Variants in FGD4 observed in about 807,000 individuals in gnomAD.
FGD4 encodes the protein FYVE, RhoGEF and PH domain containing 4, also known as FYVE, RhoGEF and PH domain-containing protein 4.
FGD4 carries 42 observed loss-of-function variants against 102.0 expected under a neutral mutation model. The observed-to-expected ratio is 0.41, with a 90% confidence interval of 0.32 to 0.53. The LOEUF (loss-of-function observed/expected upper bound fraction) is 0.53. Among genes scored for constraint, FGD4 ranks in the 20% least tolerant of loss-of-function variants. FGD4 has a pLI of 0.21. For missense variants in FGD4, 902 were observed against 1,078.2 expected, an observed-to-expected ratio of 0.84 and a Z score of 2.29; for synonymous variants, 380 against 375.7, an observed-to-expected ratio of 1.01 and a Z score of -0.13.
chr12:32,426,869 T>G (rs911425014), intron 1 of FGD4, among the ~76,000 whole-genome samples: 40 of 152,334 alleles, frequency 2.6e-4, no homozygotes, highest in African/African-American at 9.4e-4. Context: ...TTTATAGTAT[T>G]CTCTGATGGT....
chr12:32,580,812 G>A (rs937543739), intron 3 of FGD4, among the ~76,000 whole-genome samples: 19 of 151,780 alleles, frequency 1.3e-4, no homozygotes, highest in African/African-American at 3.6e-4. Flanking sequence ...GTGTGAACCC[G>A]GGAGGCGTAG....
At chr12:32,485,777 C>A in intron 1 of FGD4, 1 of 910,332 alleles carries the variant, frequency 1.1e-6, no homozygotes, top group Non-Finnish European at 1.3e-6. Flanking sequence ...TTGTTATAAG[C>A]CTAAATGCCA....
chr12:32,406,661 A>G (rs1471919288), intron 1 of FGD4, among the ~76,000 whole-genome samples: 1 of 152,164 alleles, frequency 6.6e-6, no homozygotes, highest in East Asian at 1.9e-4. Context: ...AGTATATTAG[A>G]TAATTCTGAT....
intron 1 of FGD4, among the ~76,000 whole-genome samples, chr12:32,469,601 C>T (rs772812179): frequency 2.0e-5 from 3 of 150,416 alleles, no homozygotes; most frequent in Non-Finnish European, 4.4e-5. Context: ...TTTTTAAAGA[C>T]AACATAGTAT....
At chr12:32,419,278 T>C (rs932883018) in intron 1 of FGD4, among the ~76,000 whole-genome samples, 3 of 152,182 alleles carry the variant, frequency 2.0e-5, no homozygotes, top group African/African-American at 7.2e-5. Context: ...ACTGTAGCCC[T>C]CACAGCTGGG....
intron 14 of FGD4, among the ~76,000 whole-genome samples, chr12:32,629,710 CT>C (rs1224915653): frequency 3.9e-5 from 6 of 152,074 alleles, no homozygotes; most frequent in Non-Finnish European, 8.8e-5. Context: ...AGCAAATCTG[CT>C]GTTTTGTTCA....
chr12:32,532,494 A>T (rs1941897249), intron 1 of FGD4, among the ~76,000 whole-genome samples: 1 of 152,084 alleles, frequency 6.6e-6, no homozygotes, highest in African/African-American at 2.4e-5. Context: ...ATAAATTATT[A>T]CCCTGCAATA....
At chr12:32,547,932 C>A (rs1392031152) in intron 1 of FGD4, among the ~76,000 whole-genome samples, 1 of 152,174 alleles carries the variant, frequency 6.6e-6, no homozygotes, top group Non-Finnish European at 1.5e-5. Context: ...TCTCAAACTG[C>A]TGACCTCAAG....
At chr12:32,630,701 A>C (rs893990104) in intron 14 of FGD4, among the ~76,000 whole-genome samples, 2 of 152,008 alleles carry the variant, frequency 1.3e-5, no homozygotes, top group Non-Finnish European at 2.9e-5. Flanking sequence ...TTGTAATCCC[A>C]GATACTCGGG....
intron 10 of FGD4, among the ~76,000 whole-genome samples, chr12:32,615,990 G>A (rs1321003540): frequency 1.3e-5 from 2 of 152,080 alleles, no homozygotes; most frequent in African/African-American, 4.8e-5. Flanking sequence ...CCTGGGAGGG[G>A]CAGTCCTGTC....
At chr12:32,553,041 G>A (rs928356040) in intron 1 of FGD4, among the ~76,000 whole-genome samples, 1 of 144,562 alleles carries the variant, frequency 6.9e-6, no homozygotes, top group South Asian at 2.2e-4. Flanking sequence ...TGATCCACCC[G>A]CCTCGGCCTC....
At chr12:32,607,697 T>C (rs1331663162) in intron 7 of FGD4, among the ~76,000 whole-genome samples, 2 of 152,206 alleles carry the variant, frequency 1.3e-5, no homozygotes, top group Non-Finnish European at 2.9e-5. Context: ...GTATTTTTAG[T>C]AGAGGCGGGG....
intron 1 of FGD4, among the ~76,000 whole-genome samples, chr12:32,415,307 A>G (rs1304539889): frequency 1.3e-5 from 2 of 152,000 alleles, no homozygotes; most frequent in African/African-American, 4.8e-5. Context: ...TCTATTCTGC[A>G]GATTAAGTCT....
At chr12:32,513,286 A>G (rs1183662327) in intron 1 of FGD4, among the ~76,000 whole-genome samples, 4 of 152,204 alleles carry the variant, frequency 2.6e-5, no homozygotes, top group African/African-American at 4.8e-5. Flanking sequence ...TAAAATAATC[A>G]TAGTTGTTTA....
intron 1 of FGD4, among the ~76,000 whole-genome samples, chr12:32,537,784 T>C (rs1942425505): frequency 6.6e-6 from 1 of 152,234 alleles, no homozygotes; most frequent in African/African-American, 2.4e-5. Context: ...TAGCAGAGTA[T>C]TAGTGAGACC....
chr12:32,636,981 AT>A (rs1950867729), intron 15 of FGD4, among the ~76,000 whole-genome samples: 1 of 146,410 alleles, frequency 6.8e-6, no homozygotes, highest in African/African-American at 2.5e-5. Context: ...AGCAATTCTT[AT>A]GTCTCAGCCT....
chr12:32,585,614 C>T (rs948527222), intron 4 of FGD4, among the ~76,000 whole-genome samples: 2 of 151,766 alleles, frequency 1.3e-5, no homozygotes, highest in African/African-American at 2.4e-5. Context: ...GGCAGAGGAT[C>T]TCTCGAGTCC....
chr12:32,484,782 G>C (rs1028324292), intron 1 of FGD4, among the ~76,000 whole-genome samples: 1 of 152,090 alleles, frequency 6.6e-6, no homozygotes, highest in Non-Finnish European at 1.5e-5. Flanking sequence ...TGAGGCAGGA[G>C]AATAGCTTGA....
intron 1 of FGD4, among the ~76,000 whole-genome samples, chr12:32,554,351 A>G (rs11052065): frequency 0.012 from 1,902 of 152,324 alleles, 46 homozygotes; most frequent in African/African-American, 0.044. Context: ...ATCAAATTTT[A>G]TATAGGTTGG....
Sources: gnomAD v4.1 joint callset for allele counts (sites outside exome capture counted in the v4.1 genomes callset) on GRCh38, gnomAD v4.1.1 for gene constraint, MANE v1.5 for transcripts, NCBI Gene and HGNC (gene_info 2026-07-23, HGNC 2026-07-21) for gene names.